The following MTF1 variants were observed in gnomAD, a reference collection of about 807,000 sequenced individuals.
MTF1 encodes metal regulatory transcription factor 1, also known as MRE-binding transcription factor.
In MTF1, 22 loss-of-function variants were observed where a neutral mutation model predicts 70.4. The observed-to-expected ratio is 0.31, with a 90% CI of 0.22 to 0.45. The LOEUF is 0.45. MTF1 is among the 20% of genes least tolerant of loss of function. The probability of loss-of-function intolerance (pLI) is 1.00; values close to 1 mark genes in which losing one functional copy is unlikely to be tolerated. For missense variants in MTF1, 649 were observed against 922.0 expected (o/e 0.70, Z 3.83); for synonymous variants, 333 against 352.8 (o/e 0.94, Z 0.63).
chr1:37,850,663 G>T (rs1641404320), intron 2 of MTF1, among the ~76,000 whole-genome samples: 1 of 152,204 alleles, frequency 6.6e-6, no homozygotes, highest in South Asian at 2.1e-4. Context: ...TGAAATTCGA[G>T]TCAGAATGAC....
rs60352999 is a variant in MTF1 at position 37,821,008 on chromosome 1, G to C, written c.1767+1113C>G. ...AGTCTGGGCAACATGGCGAAACCCC[G>C]TCTCTACAAAAAATACAAAAAATTA... is the stretch of plus-strand genomic sequence containing the variant. On this transcript the variant is annotated intron_variant, in intron 9 of 10. Coordinates refer to ENST00000373036, the MANE Select transcript of MTF1 (RefSeq NM_005955.3). Among the ~76,000 whole-genome samples, 517 of 152,114 alleles carry C rather than the reference G, an allele frequency of 3.4e-3. 2 individuals carry two copies. The highest frequency in any genetic ancestry group is 0.012 in the African/African-American group (495 of 41,486).
At chr1:37,818,221 A>G (rs367633141) in intron 9 of MTF1, among the ~76,000 whole-genome samples, 2 of 152,048 alleles carry the variant, frequency 1.3e-5, no homozygotes, top group East Asian at 1.9e-4. Flanking sequence ...TGACTGGGTC[A>G]TGAATGAATT....
rs1278013224 is a variant in MTF1, at chr1:37,810,696, A to G, written c.*4440T>C. On this transcript the variant is annotated 3_prime_UTR_variant, in exon 11 of 11. Coordinates refer to ENST00000373036, the MANE Select transcript of MTF1 (RefSeq NM_005955.3). ...CACAGCAGAACTATTTGCATATTGG[A>G]TCTATGAAAATCCTTCTGCTTTGGC... The G allele has an allele frequency of 6.6e-6, 1 of 152,204 alleles. No individual in the cohort carries two copies. Among genetic ancestry groups the G allele is most frequent in the Admixed American group, 6.5e-5 (1 of 15,280 alleles). 9.4% of individuals were successfully genotyped at this position (152,204 alleles called of 1,614,324 possible).
Position 37,842,840 on chromosome 1 carries a change from A to G in MTF1, c.409-2682T>C, listed in dbSNP as rs553457707. On this transcript the variant is annotated intron_variant, in intron 2 of 10. Coordinates refer to ENST00000373036, the MANE Select transcript of MTF1 (RefSeq NM_005955.3). ...AAATGTCAGAGAAAACAAGGAAGAT[A>G]AAGACTGGGGAAGTGACTGGATCCA... 3.3e-5 allele frequency among the ~76,000 whole-genome samples: 5 copies of G among 152,298 alleles called. No individual in the cohort carries two copies. In the South Asian group the frequency reaches 1.0e-3, roughly 32 times the overall value.
At chr1:37,850,618 C>T (rs1641403716) in intron 2 of MTF1, among the ~76,000 whole-genome samples, 1 of 151,640 alleles carries the variant, frequency 6.6e-6, no homozygotes, top group South Asian at 2.1e-4. Flanking sequence ...AGTAGGGAGA[C>T]AGTAATGAAA....
intron 6 of MTF1, among the ~76,000 whole-genome samples, chr1:37,833,396 C>CA (rs1641117611): frequency 1.3e-5 from 2 of 152,200 alleles, no homozygotes; most frequent in Admixed American, 1.3e-4. Flanking sequence ...GCTCCTTACT[C>CA]AGAGTGGTAC....
intron 3 of MTF1, 41 bp from the exon 4 acceptor site, chr1:37,838,797 C>CATT: frequency 2.1e-6 from 1 of 473,688 alleles, no homozygotes; most frequent in Non-Finnish European, 2.9e-6. Flanking sequence ...TCATAAAATT[C>CATT]TTTTTTTTTT....
intron 4 of MTF1, among the ~76,000 whole-genome samples, chr1:37,836,891 A>G (rs1180997582): frequency 1.3e-5 from 2 of 150,464 alleles, no homozygotes; most frequent in African/African-American, 2.4e-5. Context: ...ACAAAAATAA[A>G]TGCATGTGAC....
In MTF1 at chr1:37,810,292, T is replaced by A. The variant is rs1401698575; in HGVS notation, c.*4844A>T. On this transcript the variant is annotated 3_prime_UTR_variant, in exon 11 of 11. Coordinates refer to ENST00000373036, the MANE Select transcript of MTF1 (RefSeq NM_005955.3). ...CCATAAGAAAAAGTAGAAACTGCAT[T>A]GAGCTGAGAAAGTGACACTACATTA... The A allele has an allele frequency of 2.6e-5, 4 of 152,566 alleles. No individual in the cohort carries two copies. The highest frequency in any genetic ancestry group is 5.9e-5 in the Non-Finnish European group (4 of 68,050). The allele number at this position is 152,566 out of a possible 1,614,324, so 9.5% of individuals were successfully genotyped here. A position where few individuals can be genotyped will look rare whatever the true frequency, so the allele number is the denominator to read the frequency against.
chr1:37,839,859 G>A, intron 3 of MTF1, 61 bp downstream of exon 3: 2 of 1,338,012 alleles, frequency 1.5e-6, no homozygotes, highest in Middle Eastern at 2.2e-4. Context: ...AGGGGAAAGA[G>A]CTCTGCCATC....
In MTF1 at chr1:37,823,761, T is replaced by C. The variant is rs144931487; in HGVS notation, c.1120A>G (p.Met374Val). The change falls in exon 8 of 11, where the codon ATG becomes GTG. Residue 374 changes from methionine (M) to valine (V), a missense_variant. Physicochemically the swap from Met to Val is conservative, Grantham distance 21 (BLOSUM62 1). Around this residue, in one of 7 missense-constraint regions of MTF1, gnomAD observed 267 missense variants for 292.1 expected, o/e 0.91. Transcript: ENST00000373036. ...TISPAIIFESMFQNSDDTAIQ... is the reference protein window; with the variant it reads ...TISPAIIFESVFQNSDDTAIQ... ...GCCGTATCATCTGAATTCTGGAACA[T>C]TGATTCAAAGATGATTGCTGGTGAA... The C allele has an allele frequency of 2.0e-4, 315 of 1,614,104 alleles. No homozygotes were observed. Among genetic ancestry groups the C allele is most frequent in the East Asian group, 4.7e-4 (21 of 44,876 alleles).
intron 2 of MTF1, among the ~76,000 whole-genome samples, chr1:37,850,707 G>A (rs979085785): frequency 2.6e-5 from 4 of 152,092 alleles, no homozygotes; most frequent in Non-Finnish European, 5.9e-5. Context: ...ACTATCTGTG[G>A]CAAGGTTCTG....
Position 37,854,275 on chromosome 1 carries a change from T to C in MTF1, c.408+2976A>G, listed in dbSNP as rs949449245. On this transcript the variant is annotated intron_variant, in intron 2 of 10. Transcript: ENST00000373036. Reference sequence around the variant, plus strand: ...CCACCAGCCTTGGCCTCCCAAAGTGTTGGGATTACAGGCGTGAGCCACCAT... The same window carrying C: ...CCACCAGCCTTGGCCTCCCAAAGTGCTGGGATTACAGGCGTGAGCCACCAT... 4.6e-5 allele frequency among the ~76,000 whole-genome samples: 7 copies of C among 152,322 alleles called. 1 individual carries two copies. Among genetic ancestry groups the C allele is most frequent in the Middle Eastern group, 3.4e-3 (1 of 292 alleles).
rs1640734118 is a variant in MTF1, at chr1:37,811,452, T to C, written c.*3684A>G. 1 of 152,672 alleles carries C rather than the reference T, an allele frequency of 6.5e-6. No individual in the cohort carries two copies. The highest frequency in any genetic ancestry group is 2.4e-5 in the African/African-American group (1 of 41,456). 9.5% of individuals were successfully genotyped at this position (152,672 alleles called of 1,614,324 possible). On this transcript the variant is annotated 3_prime_UTR_variant, in exon 11 of 11. Coordinates refer to ENST00000373036, the MANE Select transcript of MTF1 (RefSeq NM_005955.3). ...TTCTTTTCACACCTCAATTTAACTT[T>C]TTATTCTGAGCAAAAAATAAAACTT...
At chr1:37,818,658 C>T (rs1385055160) in intron 9 of MTF1, among the ~76,000 whole-genome samples, 5 of 145,688 alleles carry the variant, frequency 3.4e-5, no homozygotes, top group Admixed American at 7.1e-5. Flanking sequence ...GAGCCGAGAT[C>T]GCGCCACTGC....
intron 2 of MTF1, among the ~76,000 whole-genome samples, chr1:37,850,587 A>C (rs1033832572): frequency 2.0e-5 from 3 of 151,950 alleles, no homozygotes; most frequent in Non-Finnish European, 2.9e-5. Flanking sequence ...AGAGAGAGAG[A>C]GATCTCAAAG....
chr1:37,851,096 C>T (rs1043412562), intron 2 of MTF1, among the ~76,000 whole-genome samples: 5 of 152,156 alleles, frequency 3.3e-5, no homozygotes, highest in African/African-American at 1.2e-4. Flanking sequence ...AAAACAAAAG[C>T]TAAGCTAAGA....
intron 7 of MTF1, among the ~76,000 whole-genome samples, chr1:37,827,046 A>T (rs1569855572): frequency 6.6e-6 from 1 of 152,168 alleles, no homozygotes; most frequent in Admixed American, 6.6e-5. Flanking sequence ...CAATAGTGTG[A>T]CTTTCAAATT....
chr1:37,854,153 G>A (rs185213730), intron 2 of MTF1, among the ~76,000 whole-genome samples: 5 of 152,218 alleles, frequency 3.3e-5, no homozygotes, highest in East Asian at 3.9e-4. Context: ...GATTACAGGC[G>A]TCTGCCACCA....
Sources: gnomAD v4.1 joint callset for allele counts (sites outside exome capture counted in the v4.1 genomes callset) on GRCh38, gnomAD v4.1.1 for gene constraint, gnomAD v4.1.1 regional missense constraint, MANE v1.5 for transcripts, NCBI Gene and HGNC (gene_info 2026-07-23, HGNC 2026-07-21) for gene names.